The following PIK3R6 variants were observed in gnomAD, a reference collection of about 807,000 sequenced individuals.
PIK3R6 encodes the protein phosphoinositide 3-kinase regulatory subunit 6.
A neutral mutation model predicts 84.9 loss-of-function variants in PIK3R6; 91 were observed. That is an observed-to-expected ratio of 1.07 (90% CI 0.90 to 1.28). The LOEUF is 1.28. Ranked by LOEUF, PIK3R6 falls within the 50% of genes most tolerant of loss-of-function variation. The probability of loss-of-function intolerance (pLI) is 0.00; values close to 1 mark genes in which losing one functional copy is unlikely to be tolerated. For missense variants in PIK3R6, 996 were observed against 985.1 expected (o/e 1.01, Z -0.15); for synonymous variants, 416 against 411.4 (o/e 1.01, Z -0.13).
At chr17:8,847,137 T>C (rs1157707690) in intron 2 of PIK3R6, among the ~76,000 whole-genome samples, 1 of 152,192 alleles carries the variant, frequency 6.6e-6, no homozygotes, top group Non-Finnish European at 1.5e-5. Flanking sequence ...ACAAGCACCC[T>C]GTGAGTTTGG....
At position 8,803,901 on chromosome 17, in the gene PIK3R6, C is replaced by T. The variant is rs554438438; in HGVS notation, c.2108+140G>A. The T allele has an allele frequency of 1.1e-4, 81 of 727,676 alleles. No homozygotes were observed. In the South Asian group the frequency reaches 1.1e-3, roughly 10 times the overall value. The allele number at this position is 727,676 out of a possible 1,614,324, so 45.1% of individuals were successfully genotyped here. A position where few individuals can be genotyped will look rare whatever the true frequency, so the allele number is the denominator to read the frequency against. On this transcript the variant is annotated intron_variant, in intron 19 of 19. Transcript: ENST00000619866. The surrounding 1 kb of genome is among the most constrained non-coding windows in gnomAD (Gnocchi z 5.0). ...TAGGGCAGTGGCCTCTGTCCATCCT[C>T]ACCAAGGTTACCTGCCTGGCCACAG...
chr17:8,852,936 TC>T (rs1227114055), intron 1 of PIK3R6, among the ~76,000 whole-genome samples: 3 of 152,140 alleles, frequency 2.0e-5, no homozygotes, highest in East Asian at 3.9e-4. Flanking sequence ...TCTAAGCAAT[TC>T]GACCTTTAAA....
At chr17:8,855,455 A>T (rs960081016) in intron 1 of PIK3R6, among the ~76,000 whole-genome samples, 2 of 152,178 alleles carry the variant, frequency 1.3e-5, no homozygotes, top group Non-Finnish European at 2.9e-5. Context: ...TAAACACATT[A>T]AAAAAATGCT....
chr17:8,804,133 C>T lies in PIK3R6; in HGVS notation c.2016G>A (p.Arg672=), dbSNP rs765727256. Residue 672 remains arginine, a synonymous_variant, in exon 19 of 20, where the codon AGG becomes AGA. Transcript: ENST00000619866. The stretch of plus-strand genomic sequence containing the variant: ...GGCTCTGGATCTGGATATTGTTCGT[C>T]CTGAAGGTGTTGGTCACTGTCTGCA... ...KSFSTVTNTF[R]TNNIQIQSRD... The T allele has an allele frequency of 5.0e-6, 8 of 1,613,984 alleles. No individual in the cohort carries two copies. In the South Asian group the frequency reaches 7.7e-5, roughly 16 times the overall value.
chr17:8,804,185 G>T lies in PIK3R6; in HGVS notation c.1996-32C>A, dbSNP rs773821334. On this transcript the variant is annotated intron_variant, in intron 18 of 19. Coordinates refer to ENST00000619866, the MANE Select transcript of PIK3R6 (RefSeq NM_001010855.4). ...CACAGAGATCGCACGTGTGAGTGTT[G>T]CCTTTGCTCGACAGGTGGCCCTGCC... 4 of 1,573,082 alleles carry T rather than the reference G, an allele frequency of 2.5e-6. No individual in the cohort carries two copies. In the South Asian group the frequency reaches 4.5e-5, roughly 18 times the overall value.
intron 1 of PIK3R6, among the ~76,000 whole-genome samples, chr17:8,865,112 TG>T (rs1036479768): frequency 1.1e-4 from 17 of 152,098 alleles, no homozygotes; most frequent in Admixed American, 4.6e-4. Context: ...TGAGATAAAG[TG>T]GGGGTGACCT....
chr17:8,855,226 A>C lies in PIK3R6; in HGVS notation c.-91-5341T>G, dbSNP rs1478586530. 2.4e-5 allele frequency among the ~76,000 whole-genome samples: 3 copies of C among 126,592 alleles called. No homozygotes were observed. In the South Asian group the frequency reaches 6.3e-4, roughly 26 times the overall value. 83.0% of individuals were successfully genotyped at this position (126,592 alleles called of 152,430 possible). On this transcript the variant is annotated intron_variant, in intron 1 of 19. Transcript: ENST00000619866. The stretch of plus-strand genomic sequence containing the variant: ...AACAAAACAAAACAAAACAAAACAA[A>C]ACAACAATAAAATAAAATAAAATAA...
In PIK3R6 at chr17:8,836,825, G is replaced by A. The variant is rs763919130; in HGVS notation, c.357C>T (p.Cys119=). 7.0e-5 allele frequency: 112 copies of A among 1,600,170 alleles called. No individual in the cohort carries two copies. Among genetic ancestry groups the A allele is most frequent in the South Asian group, 3.7e-4 (33 of 88,546 alleles). ...PTPYCTVALD[C]AIRLKTEMAV... is the part of the protein sequence containing the mutation. ...CCATCTCCGTTTTCAGCCTTATCGCGCAGTCCAAGGCGACTGTGCAGTAGG... is the reference window on the plus strand; with the variant it reads ...CCATCTCCGTTTTCAGCCTTATCGCACAGTCCAAGGCGACTGTGCAGTAGG... Residue 119 remains cysteine, a synonymous_variant, in exon 6 of 20, where the codon TGC becomes TGT. Coordinates refer to ENST00000619866, the MANE Select transcript of PIK3R6 (RefSeq NM_001010855.4).
chr17:8,804,552 G>C (rs143153143), intron 18 of PIK3R6, among the ~76,000 whole-genome samples: 1 of 152,078 alleles, frequency 6.6e-6, no homozygotes, highest in Non-Finnish European at 1.5e-5. Context: ...TCTTGACCCC[G>C]GTTCTCAGCA....
Position 8,844,633 on chromosome 17 carries a change from T to A in PIK3R6, c.14-4936A>T, listed in dbSNP as rs932477286. ...AAACTTTTTTTATTTAAAATTTTTT[T>A]AACTTTTATTTTAGGTTCAGGAGGT... On this transcript the variant is annotated intron_variant, in intron 2 of 19. Transcript: ENST00000619866. The surrounding 1 kb of genome is among the most constrained non-coding windows in gnomAD (Gnocchi z 4.5). Among the ~76,000 whole-genome samples the A allele has an allele frequency of 1.3e-5, 2 of 152,074 alleles. No individual in the cohort carries two copies. The highest frequency in any genetic ancestry group is 3.8e-4 in the East Asian group (2 of 5,202).
Position 8,823,064 on chromosome 17 carries a change from T to C in PIK3R6, c.1649A>G (p.Gln550Arg). The C allele has an allele frequency of 6.2e-7, 1 of 1,608,492 alleles. No individual in the cohort carries two copies. Among genetic ancestry groups the C allele is most frequent in the Non-Finnish European group, 8.5e-7 (1 of 1,174,952 alleles). ...GAGGAAAATGTCCTCAGTAGGGTCT[T>C]GGCTCAGGTCACTGAAAAAGATCTG... ...TVKIFFSDLS[Q>R]DPTEDIFLIE... The change falls in exon 15 of 20, where the codon CAA becomes CGA. Residue 550 changes from glutamine (Q) to arginine (R), a missense_variant. Coordinates refer to ENST00000619866, the MANE Select transcript of PIK3R6 (RefSeq NM_001010855.4).
Position 8,819,099 on chromosome 17 carries a change from G to A in PIK3R6, c.1979C>T (p.Ala660Val), listed in dbSNP as rs768873555. The stretch of plus-strand genomic sequence containing the variant: ...AGTACTTACAGAGAAGGACTTTCCC[G>A]CCAAGTTGGAGGACTTGACAACCTC... ...VTEVVKSSNL[A>V]GKSFSTVTNT... Residue 660 changes from alanine to valine, a missense_variant, in exon 18 of 20, where the codon GCG becomes GTG. Transcript: ENST00000619866. The A allele has an allele frequency of 1.2e-5, 19 of 1,602,984 alleles. No homozygotes were observed. Among genetic ancestry groups the A allele is most frequent in the South Asian group, 1.1e-4 (10 of 88,910 alleles).
chr17:8,832,842 G>A, intron 9 of PIK3R6, 47 bp downstream of exon 9: 9 of 1,610,134 alleles, frequency 5.6e-6, no homozygotes, highest in Non-Finnish European at 7.6e-6. Flanking sequence ...GCAGTGAGCT[G>A]CCCCCGCGGG....
chr17:8,853,181 T>A (rs1018674993), intron 1 of PIK3R6, among the ~76,000 whole-genome samples: 4 of 82,728 alleles, frequency 4.8e-5, no homozygotes, highest in East Asian at 2.1e-4. Flanking sequence ...TAGCTCCAAA[T>A]TTTTTTTTTA....
rs774741905 is a variant in PIK3R6, at chr17:8,819,131, G to A, written c.1947C>T (p.Asn649=). The change falls in exon 18 of 20, where the codon AAC becomes AAT. Residue 649 remains asparagine (N), a synonymous_variant. Transcript: ENST00000619866. ...PVTDHTCLNV[N]VTEVVKSSNL... ...TGGAGGACTTGACAACCTCTGTCAC[G>A]TTGACATTCAGACATGTGTGGTCTG... 60 of 1,610,010 alleles carry A rather than the reference G, an allele frequency of 3.7e-5. No individual in the cohort carries two copies. The highest frequency in any genetic ancestry group is 4.7e-5 in the Non-Finnish European group (55 of 1,178,318).
intron 18 of PIK3R6, among the ~76,000 whole-genome samples, chr17:8,805,358 G>A (rs2087171625): frequency 6.6e-6 from 1 of 152,144 alleles, no homozygotes; most frequent in Non-Finnish European, 1.5e-5. Context: ...TTCCAAGAAG[G>A]AGCCAAGCAT....
At chr17:8,828,400 C>T (rs904471050) in intron 11 of PIK3R6, among the ~76,000 whole-genome samples, 167 bp downstream of exon 11, 1 of 151,646 alleles carries the variant, frequency 6.6e-6, no homozygotes, top group South Asian at 2.1e-4. Flanking sequence ...GCAGGGATTG[C>T]GGTGCTCTGT....
In PIK3R6 at chr17:8,803,543, G is replaced by T; in HGVS notation, c.2109-114C>A. The T allele has an allele frequency of 9.3e-7, 1 of 1,079,556 alleles. No individual in the cohort carries two copies. Among genetic ancestry groups the T allele is most frequent in the Non-Finnish European group, 1.3e-6 (1 of 767,294 alleles). 66.9% of individuals were successfully genotyped at this position (1,079,556 alleles called of 1,614,324 possible). On this transcript the variant is annotated intron_variant, in intron 19 of 19. Transcript: ENST00000619866. This position sits in a 1 kb window ranked among gnomAD's most constrained non-coding sequence, Gnocchi z 5.0. ...CCTAGAGCTGTTATTGTAGGGCATA[G>T]AGGAGGCGGCTACACAGAAGAAAGA...
Position 8,860,285 on chromosome 17 carries a change from G to C in PIK3R6, c.-92+7244C>G, listed in dbSNP as rs547984369. The stretch of plus-strand genomic sequence containing the variant: ...CAGGACCGCCTGAGCTCCGCCTCCT[G>C]GGGCGGGGGGCGGTGTGGGCATAAG... On this transcript the variant is annotated intron_variant, in intron 1 of 19. Coordinates refer to ENST00000619866, the MANE Select transcript of PIK3R6 (RefSeq NM_001010855.4). Among the ~76,000 whole-genome samples the C allele has an allele frequency of 8.2e-3, 1,162 of 141,088 alleles. 9 individuals carry two copies. Among genetic ancestry groups the C allele is most frequent in the African/African-American group, 0.034 (1,086 of 32,092 alleles). The allele number at this position is 141,088 out of a possible 152,430, so 92.6% of individuals were successfully genotyped here.
Sources: gnomAD v4.1 joint callset for allele counts (sites outside exome capture counted in the v4.1 genomes callset) on GRCh38, gnomAD v4.1.1 for gene constraint, Gnocchi (gnomAD v3.1) non-coding constraint, MANE v1.5 for transcripts, NCBI Gene and HGNC (gene_info 2026-07-23, HGNC 2026-07-21) for gene names.